Variants in FRY observed in about 807,000 individuals in gnomAD.
FRY encodes protein furry homolog.
A neutral mutation model predicts 348.4 loss-of-function variants in FRY; 128 were observed. The ratio of observed to expected loss-of-function variants is 0.37; its 90% CI spans 0.32 to 0.43. The LOEUF (loss-of-function observed/expected upper bound fraction) is 0.43, where lower values mean the gene tolerates loss of function less well. FRY is among the 20% of genes least tolerant of loss of function. The pLI, the probability that FRY is intolerant of heterozygous loss-of-function variation, is 1.00. For synonymous variants in FRY, 1,370 were observed against 1,374.7 expected, an observed-to-expected ratio of 1.00 and a Z score of 0.08; for missense variants, 2,736 against 3,695.2, an observed-to-expected ratio of 0.74 and a Z score of 6.73.
intron 4 of FRY, 36 bp from the exon 5 acceptor site, chr13:32,124,250 C>A: frequency 8.5e-7 from 1 of 1,181,732 alleles, no homozygotes. Context: ...AGAATACCTT[C>A]AGTGTGCTTT....
At chr13:32,045,204 A>G (rs1316499494) in intron 1 of FRY, among the ~76,000 whole-genome samples, 1 of 152,190 alleles carries the variant, frequency 6.6e-6, no homozygotes, top group African/African-American at 2.4e-5. Flanking sequence ...GCTATTAGTC[A>G]GTCCTAGGCA....
intron 4 of FRY, among the ~76,000 whole-genome samples, chr13:32,123,429 C>T (rs995540699): frequency 3.9e-5 from 6 of 152,188 alleles, no homozygotes; most frequent in Non-Finnish European, 7.3e-5. Flanking sequence ...TTCATTCCTC[C>T]TTTCACTAAG....
intron 36 of FRY, among the ~76,000 whole-genome samples, chr13:32,223,498 C>A (rs117153587): frequency 0.013 from 1,976 of 152,234 alleles, 20 homozygotes; most frequent in Non-Finnish European, 0.02. Context: ...AAAGTTATTT[C>A]TGGCCAGGCA....
chr13:32,201,901 T>C, intron 29 of FRY, 40 bp from the exon 30 acceptor site: 1 of 1,117,812 alleles, frequency 8.9e-7, no homozygotes. Flanking sequence ...CTCTGTCTTA[T>C]AAACCATGCT....
rs75315991 is a variant in FRY, at chr13:32,239,604, G to C, written c.6517-107G>C. 784 of 810,116 alleles carry C rather than the reference G, an allele frequency of 9.7e-4. 4 individuals carry two copies. In the African/African-American group the frequency reaches 0.012, roughly 12 times the overall value. The allele number at this position is 810,116 out of a possible 1,614,324, so 50.2% of individuals were successfully genotyped here. A position where few individuals can be genotyped will look rare whatever the true frequency, so the allele number is the denominator to read the frequency against. ...AAGTATTTCCTGTAATTACCAAAAA[G>C]TGTATCAATCTACTTTCCAGATGGC... is the stretch of plus-strand genomic sequence containing the variant. On this transcript the variant is annotated intron_variant, in intron 45 of 60. Transcript: ENST00000542859. The surrounding 1 kb of genome is among the most constrained non-coding windows in gnomAD (Gnocchi z 4.3).
In FRY at chr13:32,239,958, C is replaced by A; in HGVS notation, c.6687+77C>A. The A allele has an allele frequency of 7.7e-7, 1 of 1,294,760 alleles. No homozygotes were observed. Among genetic ancestry groups the A allele is most frequent in the Non-Finnish European group, 1.1e-6 (1 of 913,884 alleles). The allele number at this position is 1,294,760 out of a possible 1,614,324, so 80.2% of individuals were successfully genotyped here. On this transcript the variant is annotated intron_variant, in intron 46 of 60. Coordinates refer to ENST00000542859, the MANE Select transcript of FRY (RefSeq NM_023037.3). This position sits in a 1 kb window ranked among gnomAD's most constrained non-coding sequence, Gnocchi z 4.3. ...GCTGATCTCAACTCTTGGGCTCAAGCAGTCCTCCTGCCTTCGCCTCCCAGA... is the reference window on the plus strand; with the variant it reads ...GCTGATCTCAACTCTTGGGCTCAAGAAGTCCTCCTGCCTTCGCCTCCCAGA...
At chr13:32,139,312 AACCCTTCCCCGACGCACCTTTCTGC>A (rs1387976842) in intron 11 of FRY, among the ~76,000 whole-genome samples, 2 of 152,044 alleles carry the variant, frequency 1.3e-5, no homozygotes, top group Admixed American at 1.3e-4. Flanking sequence ...CCACCAAACC[AACCCTTCCCCGACGCACCTTTCTGC>A]ACCCTTCCCT....
At position 32,297,376 on chromosome 13, in the gene FRY, T is replaced by C. The variant is rs898199302; in HGVS notation, c.*1916T>C. The C allele has an allele frequency of 1.3e-5, 2 of 152,252 alleles. No individual in the cohort carries two copies. The highest frequency in any genetic ancestry group is 2.1e-4 in the South Asian group (1 of 4,810). 9.4% of individuals were successfully genotyped at this position (152,252 alleles called of 1,614,324 possible). On this transcript the variant is annotated 3_prime_UTR_variant, in exon 61 of 61. Coordinates refer to ENST00000542859, the MANE Select transcript of FRY (RefSeq NM_023037.3). Reference sequence around the variant, plus strand: ...TAAAGGTTTCTGTGGCTAACCACAGTAGACAACTTTCAGAGAGTTTTGTTG... The same window carrying C: ...TAAAGGTTTCTGTGGCTAACCACAGCAGACAACTTTCAGAGAGTTTTGTTG...
rs147333965 is a variant in FRY at position 32,249,374 on chromosome 13, G to A, written c.7009-152G>A. ...GAAAAACGACTCATAATGTGTACTTGCATGTTGAGAAAATGAGCCCACTTG... is the reference window on the plus strand; with the variant it reads ...GAAAAACGACTCATAATGTGTACTTACATGTTGAGAAAATGAGCCCACTTG... On this transcript the variant is annotated intron_variant, in intron 48 of 60. Coordinates refer to ENST00000542859, the MANE Select transcript of FRY (RefSeq NM_023037.3). 98 of 767,728 alleles carry A rather than the reference G, an allele frequency of 1.3e-4. No homozygotes were observed. In the African/African-American group the frequency reaches 1.5e-3, roughly 12 times the overall value. The allele number at this position is 767,728 out of a possible 1,614,324, so 47.6% of individuals were successfully genotyped here.
At chr13:32,161,359 T>C in intron 17 of FRY, 108 bp downstream of exon 17, 2 of 840,480 alleles carry the variant, frequency 2.4e-6, no homozygotes, top group Non-Finnish European at 4.1e-6. Context: ...CCAAATGAGG[T>C]ACTGGGTATG....
At chr13:32,161,682 G>GAAAA (rs1164534594) in intron 17 of FRY, among the ~76,000 whole-genome samples, 21 of 137,632 alleles carry the variant, frequency 1.5e-4, no homozygotes, top group African/African-American at 5.6e-4. Context: ...AGATGGGTCT[G>GAAAA]GCCAAAAAAG....
At chr13:32,268,496 AAAAAAAAAAAT>A (rs1251503148) in intron 55 of FRY, among the ~76,000 whole-genome samples, 3 of 19,630 alleles carry the variant, frequency 1.5e-4, no homozygotes, top group African/African-American at 3.5e-4. Context: ...TAAAAAAAAA[AAAAAAAAAAAT>A]ATATATATAT....
intron 17 of FRY, among the ~76,000 whole-genome samples, chr13:32,162,463 G>C (rs1419584827): frequency 6.6e-6 from 1 of 152,100 alleles, no homozygotes; most frequent in African/African-American, 2.4e-5. Flanking sequence ...TGGTTATTGT[G>C]GTCATGGTCC....
rs988222669 is a variant in FRY at position 32,295,695 on chromosome 13, A to C, written c.*235A>C. ...CCACTCATCATGCTGTGTGGCACAAATGTGTTACATTTGACCGAGCATATG... is the reference window on the plus strand; with the variant it reads ...CCACTCATCATGCTGTGTGGCACAACTGTGTTACATTTGACCGAGCATATG... On this transcript the variant is annotated 3_prime_UTR_variant, in exon 61 of 61. Coordinates refer to ENST00000542859, the MANE Select transcript of FRY (RefSeq NM_023037.3). 19 of 581,750 alleles carry C rather than the reference A, an allele frequency of 3.3e-5. No homozygotes were observed. Among genetic ancestry groups the C allele is most frequent in the Non-Finnish European group, 5.5e-5 (18 of 325,482 alleles). The allele number at this position is 581,750 out of a possible 1,614,324, so 36.0% of individuals were successfully genotyped here.
intron 1 of FRY, among the ~76,000 whole-genome samples, chr13:32,040,030 A>G (rs1334484770): frequency 1.3e-5 from 2 of 152,238 alleles, no homozygotes; most frequent in Non-Finnish European, 2.9e-5. Context: ...GGAAATATAC[A>G]ATTAAATTTA....
In FRY at chr13:32,197,914, T is replaced by C. The variant is rs139963700; in HGVS notation, c.3746+3617T>C. Among the ~76,000 whole-genome samples, 619 of 152,356 alleles carry C rather than the reference T, an allele frequency of 4.1e-3. 4 individuals are homozygous for C. Among genetic ancestry groups the C allele is most frequent in the African/African-American group, 0.014 (587 of 41,588 alleles). On this transcript the variant is annotated intron_variant, in intron 29 of 60. Coordinates refer to ENST00000542859, the MANE Select transcript of FRY (RefSeq NM_023037.3). ...CATATTTATTTTATCATTTGATTTT[T>C]ATTTGGTATGATCACAGCTGTCTTT...
At chr13:32,149,042 C>T (rs1290600101) in intron 13 of FRY, among the ~76,000 whole-genome samples, 1 of 148,228 alleles carries the variant, frequency 6.7e-6, no homozygotes, top group Non-Finnish European at 1.5e-5. Context: ...TACATATACA[C>T]ACATATATAC....
intron 32 of FRY, 55 bp from the exon 33 acceptor site, chr13:32,209,530 T>C (rs1314753560): frequency 6.3e-7 from 1 of 1,580,790 alleles, no homozygotes; most frequent in Admixed American, 1.7e-5. Context: ...AGTCAAACCT[T>C]TTGCGTCCTT....
In FRY at chr13:32,278,413, G is replaced by T. The variant is rs1593842790; in HGVS notation, c.8386-52G>T. Reference sequence around the variant, plus strand: ...TTCCTAATGGAATTATACCAAAAATGTTCTCAGAACATTGCTGAATTTACC... The same window carrying T: ...TTCCTAATGGAATTATACCAAAAATTTTCTCAGAACATTGCTGAATTTACC... On this transcript the variant is annotated intron_variant, in intron 57 of 60. Transcript: ENST00000542859. The T allele has an allele frequency of 1.7e-5, 16 of 936,616 alleles. No homozygotes were observed. In the South Asian group the frequency reaches 2.1e-4, roughly 12 times the overall value. The allele number at this position is 936,616 out of a possible 1,614,324, so 58.0% of individuals were successfully genotyped here. A position where few individuals can be genotyped will look rare whatever the true frequency, so the allele number is the denominator to read the frequency against.
Sources: gnomAD v4.1 joint callset for allele counts (sites outside exome capture counted in the v4.1 genomes callset) on GRCh38, gnomAD v4.1.1 for gene constraint, Gnocchi (gnomAD v3.1) non-coding constraint, MANE v1.5 for transcripts, NCBI Gene and HGNC (gene_info 2026-07-23, HGNC 2026-07-21) for gene names.